Variants in CD3G observed in about 807,000 individuals in gnomAD.
The protein encoded by CD3G is CD3 gamma subunit of T-cell receptor complex.
CD3G carries 24 observed loss-of-function variants against 28.3 expected under a neutral mutation model. The observed-to-expected ratio is 0.85, with a 90% CI of 0.61 to 1.19. CD3G has a LOEUF of 1.19. Among genes scored for constraint, CD3G ranks in the 50% most tolerant of loss-of-function variants. The probability of loss-of-function intolerance (pLI) is 0.00; values close to 1 mark genes in which losing one functional copy is unlikely to be tolerated. For missense variants in CD3G, 211 were observed against 210.0 expected (o/e 1.00, Z -0.03); for synonymous variants, 71 against 75.9 (o/e 0.93, Z 0.34).
At chr11:118,348,277 A>G (rs1320570562) in intron 1 of CD3G, among the ~76,000 whole-genome samples, 1 of 152,192 alleles carries the variant, frequency 6.6e-6, no homozygotes, top group East Asian at 1.9e-4. Context: ...CATTTCTGAC[A>G]AACTGCCTGC....
intron 1 of CD3G, 113 bp downstream of exon 1, chr11:118,344,591 C>A: frequency 1.1e-6 from 1 of 937,614 alleles, no homozygotes; most frequent in Non-Finnish European, 1.7e-6. Flanking sequence ...CTGCTGTCAC[C>A]TTAGAGTTCA....
Position 118,349,727 on chromosome 11 carries a change from G to C in CD3G, c.80-16G>C, listed in dbSNP as rs759612219. Reference sequence around the variant, plus strand: ...AGGCAAGATCCTTAATAGAACCACGGCTTTTCTCATTTCAGGAAACCACTT... The same window carrying C: ...AGGCAAGATCCTTAATAGAACCACGCCTTTTCTCATTTCAGGAAACCACTT... On this transcript the variant is annotated splice_polypyrimidine_tract_variant and intron_variant, in intron 2 of 6. Transcript: ENST00000532917. The C allele has an allele frequency of 1.9e-6, 3 of 1,586,986 alleles. No homozygotes were observed. The highest frequency in any genetic ancestry group is 2.2e-5 in the East Asian group (1 of 44,710).
chr11:118,347,473 T>C (rs901709059), intron 1 of CD3G, among the ~76,000 whole-genome samples: 1 of 152,238 alleles, frequency 6.6e-6, no homozygotes, highest in African/African-American at 2.4e-5. Flanking sequence ...TGATTCTTCA[T>C]ATCAGCACTC....
chr11:118,351,414 T>C (rs553296820), intron 4 of CD3G, among the ~76,000 whole-genome samples: 2 of 152,208 alleles, frequency 1.3e-5, no homozygotes, highest in African/African-American at 4.8e-5. Flanking sequence ...ACAACAAGGA[T>C]TAACTTTGCT....
At chr11:118,349,133 C>T (rs779432795) in intron 2 of CD3G, 83 bp downstream of exon 2, 26 of 1,613,212 alleles carry the variant, frequency 1.6e-5, no homozygotes, top group Middle Eastern at 3.3e-4. Flanking sequence ...CCTACAGGAG[C>T]GAACAGTTTA....
At chr11:118,351,715 G>C in intron 5 of CD3G, 44 bp downstream of exon 5, 1 of 1,590,146 alleles carries the variant, frequency 6.3e-7, no homozygotes, top group Admixed American at 1.7e-5. Context: ...TAATTAGTGG[G>C]GGTAAATCTT....
At position 118,354,957 on chromosome 11, in the gene CD3G, A is replaced by G. The variant is rs911216947; in HGVS notation, c.*1857A>G. Reference sequence around the variant, plus strand: ...GTGCAAAAGGTTTGAATTTTGAAGTACATTTTATTGATTTTTTCTTCTATA... The same window carrying G: ...GTGCAAAAGGTTTGAATTTTGAAGTGCATTTTATTGATTTTTTCTTCTATA... On this transcript the variant is annotated 3_prime_UTR_variant, in exon 7 of 7. Transcript: ENST00000532917. The G allele has an allele frequency of 1.3e-5, 2 of 152,154 alleles. No individual in the cohort carries two copies. The highest frequency in any genetic ancestry group is 4.8e-5 in the African/African-American group (2 of 41,428). The allele number at this position is 152,154 out of a possible 1,614,324, so 9.4% of individuals were successfully genotyped here.
At chr11:118,347,314 A>C (rs1294761695) in intron 1 of CD3G, among the ~76,000 whole-genome samples, 1 of 152,168 alleles carries the variant, frequency 6.6e-6, no homozygotes, top group African/African-American at 2.4e-5. Flanking sequence ...GCTTTCCCTG[A>C]TCCTCACCCT....
intron 5 of CD3G, among the ~76,000 whole-genome samples, 188 bp downstream of exon 5, chr11:118,351,859 C>T (rs1948412635): frequency 6.6e-6 from 1 of 151,840 alleles, no homozygotes; most frequent in African/African-American, 2.4e-5. Context: ...AGGTCAGGAT[C>T]TAGTGAGCAC....
intron 3 of CD3G, chr11:118,350,346 C>T: frequency 1.6e-6 from 1 of 622,066 alleles, no homozygotes; most frequent in South Asian, 1.8e-5. Flanking sequence ...GGTAGTTAGA[C>T]TACATGGGCT....
rs1214570030 is a variant in CD3G, at chr11:118,352,623, G to T, written c.*18+136G>T. 4 of 717,014 alleles carry T rather than the reference G, an allele frequency of 5.6e-6. No individual in the cohort carries two copies. In the African/African-American group the frequency reaches 7.0e-5, roughly 13 times the overall value. 44.4% of individuals were successfully genotyped at this position (717,014 alleles called of 1,614,324 possible). On this transcript the variant is annotated intron_variant, in intron 6 of 6. Coordinates refer to ENST00000532917, the MANE Select transcript of CD3G (RefSeq NM_000073.3). ...GATCAGGGATTGGGACGTGGTTTGG[G>T]GTACTCTTTTCTAAAAATTCTGGGG...
At chr11:118,351,586 A>AT in intron 4 of CD3G, 42 bp from the exon 5 acceptor site, 1 of 1,603,748 alleles carries the variant, frequency 6.2e-7, no homozygotes, top group East Asian at 2.2e-5. Context: ...CCAATTTATT[A>AT]TGCATTCTAC....
intron 3 of CD3G, 114 bp from the exon 4 acceptor site, chr11:118,350,438 C>T: frequency 1.2e-6 from 1 of 817,266 alleles, no homozygotes; most frequent in South Asian, 1.3e-5. Context: ...CTGCCACCCA[C>T]AGAGGAAAAG....
chr11:118,354,320 T>G lies in CD3G; in HGVS notation c.*1220T>G, dbSNP rs1167129934. Reference sequence around the variant, plus strand: ...CTTTTTTTTCTTTTTTTTTTTTTTTTGAAGTGGAATCTTGCTCTGTGGCCC... The same window carrying G: ...CTTTTTTTTCTTTTTTTTTTTTTTTGGAAGTGGAATCTTGCTCTGTGGCCC... On this transcript the variant is annotated 3_prime_UTR_variant, in exon 7 of 7. Coordinates refer to ENST00000532917, the MANE Select transcript of CD3G (RefSeq NM_000073.3). 2 of 134,776 alleles carry G rather than the reference T, an allele frequency of 1.5e-5. No homozygotes were observed. The highest frequency in any genetic ancestry group is 5.1e-4 in the South Asian group (2 of 3,944). 8.3% of individuals were successfully genotyped at this position (134,776 alleles called of 1,614,324 possible). A position where few individuals can be genotyped will look rare whatever the true frequency, so the allele number is the denominator to read the frequency against.
intron 4 of CD3G, 80 bp downstream of exon 4, chr11:118,350,763 G>C (rs1321820421): frequency 4.4e-6 from 7 of 1,608,722 alleles, no homozygotes; most frequent in Non-Finnish European, 5.9e-6. Context: ...CCCAATGGAA[G>C]AGACTGAGTT....
rs1948438675 is a variant in CD3G at position 118,355,079 on chromosome 11, G to T, written c.*1979G>T. On this transcript the variant is annotated 3_prime_UTR_variant, in exon 7 of 7. Coordinates refer to ENST00000532917, the MANE Select transcript of CD3G (RefSeq NM_000073.3). ...CTTTTTATACTTTTTACAGCTTTAT[G>T]GTTTTAGCTCTAACAATAAATGTGA... 6.6e-6 allele frequency: 1 copy of T among 151,742 alleles called. No homozygotes were observed. The highest frequency in any genetic ancestry group is 6.6e-5 in the Admixed American group (1 of 15,206). The allele number at this position is 151,742 out of a possible 1,614,324, so 9.4% of individuals were successfully genotyped here.
At chr11:118,347,760 A>G (rs886274887) in intron 1 of CD3G, among the ~76,000 whole-genome samples, 1 of 152,166 alleles carries the variant, frequency 6.6e-6, no homozygotes, top group African/African-American at 2.4e-5. Flanking sequence ...CTGGGACTAC[A>G]GGTGCATACC....
intron 1 of CD3G, among the ~76,000 whole-genome samples, chr11:118,345,998 G>C (rs1948352223): frequency 6.6e-6 from 1 of 152,208 alleles, no homozygotes; most frequent in African/African-American, 2.4e-5. Context: ...TCAAGCCTGG[G>C]TGAGGTGGCT....
chr11:118,350,540 T>C lies in CD3G; in HGVS notation c.308-12T>C. On this transcript the variant is annotated splice_polypyrimidine_tract_variant and intron_variant, in intron 3 of 6. Coordinates refer to ENST00000532917, the MANE Select transcript of CD3G (RefSeq NM_000073.3). The stretch of plus-strand genomic sequence containing the variant: ...TCGCAACCTGAAGGTTTGTCTCTCC[T>C]TTTCCCTACAGTGTGTCAGAACTGC... 1 of 1,602,854 alleles carries C rather than the reference T, an allele frequency of 6.2e-7. No individual in the cohort carries two copies. Among genetic ancestry groups the C allele is most frequent in the Non-Finnish European group, 8.5e-7 (1 of 1,170,124 alleles).
Sources: allele counts gnomAD v4.1 joint callset (sites outside exome capture counted in the v4.1 genomes callset), GRCh38; gene constraint gnomAD v4.1.1; transcripts MANE v1.5; gene names NCBI Gene and HGNC (gene_info 2026-07-23, HGNC 2026-07-21).